The following PLEKHN1 variants were observed in gnomAD, a reference collection of about 807,000 sequenced individuals.
PLEKHN1 encodes the protein pleckstrin homology domain containing N1.
Under a neutral mutation model 72.8 loss-of-function variants are expected in PLEKHN1, and 68 were observed. The observed-to-expected ratio is 0.93, with a 90% CI of 0.77 to 1.14. The LOEUF (loss-of-function observed/expected upper bound fraction) is 1.14. Among genes scored for constraint, PLEKHN1 ranks in the 50% most tolerant of loss-of-function variants. The probability of loss-of-function intolerance (pLI) is 0.00; values close to 1 mark genes in which losing one functional copy is unlikely to be tolerated. For missense variants in PLEKHN1, 1,015 were observed against 840.5 expected, an observed-to-expected ratio of 1.21 and a Z score of -2.57; for synonymous variants, 454 against 371.6, an observed-to-expected ratio of 1.22 and a Z score of -2.55.
chr1:967,974 G>A (rs940194025), intron 2 of PLEKHN1, among the ~76,000 whole-genome samples: 2 of 152,344 alleles, frequency 1.3e-5, no homozygotes, highest in African/African-American at 2.4e-5. Flanking sequence ...CTCTGGGCCA[G>A]TCCTAGAGCC....
Position 975,847 on chromosome 1 carries a change from TA to T in PLEKHN1, c.*1276del. On this transcript the variant is annotated 3_prime_UTR_variant, in exon 16 of 16. Coordinates refer to ENST00000379410, the MANE Select transcript of PLEKHN1 (RefSeq NM_032129.3). ...TTTCAGATAAACAACAACTTCTTAG[TA>T]AAATGACCTCCCCACTATTGCCTGT... is the stretch of plus-strand genomic sequence containing the variant. 9.5e-6 allele frequency: 3 copies of T among 314,346 alleles called. No individual in the cohort carries two copies. Among genetic ancestry groups the T allele is most frequent in the South Asian group, 6.2e-5 (1 of 16,104 alleles). The allele number at this position is 314,346 out of a possible 1,614,324, so 19.5% of individuals were successfully genotyped here.
Position 973,981 on chromosome 1 carries a change from C to T in PLEKHN1, c.1583C>T (p.Ser528Phe), listed in dbSNP as rs1643481749. ...YLLSKKGALQ[S>F]RAAQRHRGSA... ...CTCTCCAAGAAGGGAGCCCTGCAGTCCAGAGCCGCTCAGAGACACCGGGGC... is the reference window on the plus strand; with the variant it reads ...CTCTCCAAGAAGGGAGCCCTGCAGTTCAGAGCCGCTCAGAGACACCGGGGC... Residue 528 changes from serine to phenylalanine, a missense_variant, in exon 14 of 16, where the codon TCC (serine) becomes TTC (phenylalanine). Physicochemically the swap from Ser to Phe is radical, Grantham distance 155 (BLOSUM62 -2). Coordinates refer to ENST00000379410, the MANE Select transcript of PLEKHN1 (RefSeq NM_032129.3). 1 of 1,608,506 alleles carries T rather than the reference C, an allele frequency of 6.2e-7. No homozygotes were observed. Among genetic ancestry groups the T allele is most frequent in the African/African-American group, 1.3e-5 (1 of 75,010 alleles).
intron 14 of PLEKHN1, 29 bp downstream of exon 14, chr1:974,080 C>T (rs1570052858): frequency 6.5e-7 from 1 of 1,550,256 alleles, no homozygotes; most frequent in Non-Finnish European, 8.7e-7. Context: ...GCCCGTGTGC[C>T]CCGGGCTCCG....
In PLEKHN1 at chr1:970,293, A is replaced by G; in HGVS notation, c.200A>G (p.Glu67Gly). The G allele has an allele frequency of 6.2e-7, 1 of 1,613,166 alleles. No individual in the cohort carries two copies. The highest frequency in any genetic ancestry group is 8.5e-7 in the Non-Finnish European group (1 of 1,179,902). The change falls in exon 3 of 16, where the codon GAG becomes GGG. Residue 67 changes from glutamate to glycine, a missense_variant. Glu to Gly is a moderately conservative substitution (Grantham distance 98, BLOSUM62 -2). Transcript: ENST00000379410. The surrounding 1 kb of genome is among the most constrained non-coding windows in gnomAD (Gnocchi z 4.2). ...TCCTCCTAGGACATCCTGGACCTGG[A>G]GAACCAGCGAGAAAACCTGGAGCAG... is the stretch of plus-strand genomic sequence containing the variant. The part of the protein sequence containing the change: ...YIPGTDILDL[E>G]NQRENLEQPF...
intron 8 of PLEKHN1, 25 bp downstream of exon 8, chr1:971,429 C>T (rs753139184): frequency 2.5e-5 from 38 of 1,550,640 alleles, no homozygotes; most frequent in Middle Eastern, 4.5e-4. Context: ...ACTGTGGGCC[C>T]GCCCCAGGGA....
intron 9 of PLEKHN1, 48 bp downstream of exon 9, chr1:972,198 G>T: frequency 6.2e-7 from 1 of 1,606,196 alleles, no homozygotes; most frequent in Non-Finnish European, 8.5e-7. Context: ...AGGCCATGGT[G>T]GGGCGGGAGC....
chr1:968,449 A>G (rs949451002), intron 2 of PLEKHN1, among the ~76,000 whole-genome samples: 1 of 152,196 alleles, frequency 6.6e-6, no homozygotes, highest in African/African-American at 2.4e-5. Flanking sequence ...GTGTGCCAGG[A>G]TTGACTACAT....
chr1:971,901 T>A (rs566482725), intron 8 of PLEKHN1, among the ~76,000 whole-genome samples, 174 bp from the exon 9 acceptor site: 5 of 151,176 alleles, frequency 3.3e-5, no homozygotes, highest in Admixed American at 6.5e-5. Context: ...CGCGCCAGGG[T>A]TGGTGGTAGC....
At chr1:973,726 G>T (rs1307361396) in intron 13 of PLEKHN1, 86 bp downstream of exon 13, 6 of 1,570,518 alleles carry the variant, frequency 3.8e-6, no homozygotes, top group Non-Finnish European at 4.3e-6. Flanking sequence ...CTCACCCTGG[G>T]GTCTGGGGCT....
Position 972,998 on chromosome 1 carries a change from C to T in PLEKHN1, c.1140C>T (p.Ser380=), listed in dbSNP as rs750085583. Residue 380 remains serine (S), a synonymous_variant, in exon 11 of 16, where the codon TCC becomes TCT. Transcript: ENST00000379410. The stretch of plus-strand genomic sequence containing the variant: ...TGCCATCCACCGTGGGCTGCTCCTC[C>T]CAGCACACACCGGTGAGCGCTTACG... ...SSVPSTVGCS[S]QHTPDQANSD... is the part of the protein sequence containing the mutation. 5.0e-6 allele frequency: 8 copies of T among 1,598,234 alleles called. No individual in the cohort carries two copies. The highest frequency in any genetic ancestry group is 6.0e-6 in the Non-Finnish European group (7 of 1,172,476).
At chr1:971,720 G>T (rs1643339553) in intron 8 of PLEKHN1, among the ~76,000 whole-genome samples, 1 of 152,208 alleles carries the variant, frequency 6.6e-6, no homozygotes, top group South Asian at 2.1e-4. Context: ...GTGTGCGTGT[G>T]TCCTCCAGGG....
chr1:973,347 C>T (rs201553285), intron 12 of PLEKHN1, 21 bp downstream of exon 12: 4 of 1,552,954 alleles, frequency 2.6e-6, no homozygotes, highest in South Asian at 1.2e-5. Context: ...CACACCCACA[C>T]AGCCCCTGGC....
chr1:971,953 G>T, intron 8 of PLEKHN1, 122 bp from the exon 9 acceptor site: 1 of 933,646 alleles, frequency 1.1e-6, no homozygotes, highest in Non-Finnish European at 1.6e-6. Context: ...CAGGGTGGTG[G>T]CCTCGGTGCC....
At position 972,095 on chromosome 1, in the gene PLEKHN1, C is replaced by T. The variant is rs140996487; in HGVS notation, c.810C>T (p.Ala270=). The change falls in exon 9 of 16, where the codon GCC becomes GCT. Residue 270 remains alanine, a synonymous_variant. Coordinates refer to ENST00000379410, the MANE Select transcript of PLEKHN1 (RefSeq NM_032129.3). ...CGCAGGGGGAGCTCCCACTCCGTGC[C>T]GTCCACATCAACCTGGAGGAGAAGG... ...LCFKGELPLR[A]VHINLEEKEK... is the part of the protein sequence containing the mutation. 7.3e-5 allele frequency: 117 copies of T among 1,613,052 alleles called. No homozygotes were observed. Among genetic ancestry groups the T allele is most frequent in the African/African-American group, 3.5e-4 (26 of 75,066 alleles).
chr1:969,649 CGTG>C (rs1643191017), intron 2 of PLEKHN1, among the ~76,000 whole-genome samples: 2 of 131,654 alleles, frequency 1.5e-5, no homozygotes, highest in African/African-American at 8.3e-5. Flanking sequence ...TATGTGTGCA[CGTG>C]TGTATCCATG....
chr1:972,123 A>C lies in PLEKHN1; in HGVS notation c.838A>C (p.Lys280Gln), dbSNP rs1039885620. ...AVHINLEEKE[K>Q]QIRSFLIEGP... Reference sequence around the variant, plus strand: ...CCACATCAACCTGGAGGAGAAGGAGAAGCAGATCCGCTCCTTCCTGATTGA... The same window carrying C: ...CCACATCAACCTGGAGGAGAAGGAGCAGCAGATCCGCTCCTTCCTGATTGA... Residue 280 changes from lysine to glutamine, a missense_variant, in exon 9 of 16, where the codon AAG (lysine) becomes CAG (glutamine). Lys to Gln is a moderately conservative substitution (Grantham distance 53). Transcript: ENST00000379410. 4 of 1,613,096 alleles carry C rather than the reference A, an allele frequency of 2.5e-6. No homozygotes were observed. The highest frequency in any genetic ancestry group is 1.7e-5 in the Admixed American group (1 of 60,022).
rs770653962 is a variant in PLEKHN1, at chr1:970,874, C to T, written c.485-5C>T. On this transcript the variant is annotated splice_region_variant and splice_polypyrimidine_tract_variant and intron_variant, in intron 5 of 15. Transcript: ENST00000379410. The surrounding 1 kb of genome is among the most constrained non-coding windows in gnomAD (Gnocchi z 4.2). ...ATGTGTGTGCCCTCTCTGCCCTGCC[C>T]GCAGGCCCACTGCCCGCACCCCTCC... 3.2e-5 allele frequency: 51 copies of T among 1,611,586 alleles called. No individual in the cohort carries two copies. Among genetic ancestry groups the T allele is most frequent in the Non-Finnish European group, 3.6e-5 (43 of 1,179,916 alleles).
At chr1:967,688 A>G (rs1449456882) in intron 2 of PLEKHN1, among the ~76,000 whole-genome samples, 2 of 152,158 alleles carry the variant, frequency 1.3e-5, no homozygotes, top group Non-Finnish European at 2.9e-5. Flanking sequence ...CCTGACCTCC[A>G]GAGTTTCAGG....
At chr1:966,920 G>C (rs938601986) in intron 2 of PLEKHN1, 117 bp downstream of exon 2, 46 of 1,149,740 alleles carry the variant, frequency 4.0e-5, no homozygotes, top group Non-Finnish European at 5.1e-5. Flanking sequence ...TCAGACCCCG[G>C]TAGGTGAGGA....
Sources: gnomAD v4.1 joint callset for allele counts (sites outside exome capture counted in the v4.1 genomes callset) on GRCh38, gnomAD v4.1.1 for gene constraint, Gnocchi (gnomAD v3.1) non-coding constraint, MANE v1.5 for transcripts, NCBI Gene and HGNC (gene_info 2026-07-23, HGNC 2026-07-21) for gene names.